The following MIPOL1 variants were observed in gnomAD, a reference collection of about 807,000 sequenced individuals.
The protein encoded by MIPOL1 is mirror-image polydactyly gene 1 protein.
Under a neutral mutation model 60.9 loss-of-function variants are expected in MIPOL1, and 57 were observed. The observed-to-expected ratio is 0.94, with a 90% CI of 0.76 to 1.17. The LOEUF (loss-of-function observed/expected upper bound fraction) is 1.17. MIPOL1 is among the 50% of genes most tolerant of loss of function. The pLI is 0.00. For missense variants in MIPOL1, 551 were observed against 511.6 expected (o/e 1.08, Z -0.74); for synonymous variants, 179 against 168.8 (o/e 1.06, Z -0.47).
chr14:37,237,085 A>T (rs989757793), intron 1 of MIPOL1, among the ~76,000 whole-genome samples: 1 of 151,870 alleles, frequency 6.6e-6, no homozygotes, highest in African/African-American at 2.4e-5. Flanking sequence ...TTCAGGCCAT[A>T]GATGGTCTGT....
At chr14:37,374,597 G>T (rs956188968) in intron 10 of MIPOL1, among the ~76,000 whole-genome samples, 1 of 152,032 alleles carries the variant, frequency 6.6e-6, no homozygotes. Context: ...TCAGTTTTCT[G>T]CATATGGCTA....
At chr14:37,302,104 G>T (rs1350848254) in intron 7 of MIPOL1, among the ~76,000 whole-genome samples, 4 of 145,838 alleles carry the variant, frequency 2.7e-5, no homozygotes, top group Non-Finnish European at 6.0e-5. Context: ...TTTCAAATCA[G>T]TTGAGTAAAC....
At chr14:37,222,385 GC>G (rs1401184227) in intron 1 of MIPOL1, among the ~76,000 whole-genome samples, 4 of 148,162 alleles carry the variant, frequency 2.7e-5, no homozygotes, top group African/African-American at 1.0e-4. Flanking sequence ...AACACACCTG[GC>G]TTTTTTTTTT....
At chr14:37,373,963 T>C (rs2092708277) in intron 10 of MIPOL1, among the ~76,000 whole-genome samples, 1 of 152,182 alleles carries the variant, frequency 6.6e-6, no homozygotes, top group Non-Finnish European at 1.5e-5. Context: ...TACCACACTG[T>C]CTTCCACAAT....
chr14:37,317,073 T>C (rs1201315806), intron 9 of MIPOL1, among the ~76,000 whole-genome samples: 4 of 152,172 alleles, frequency 2.6e-5, no homozygotes, highest in African/African-American at 9.7e-5. Context: ...AACATAAGTA[T>C]AAGAATTGGC....
intron 11 of MIPOL1, among the ~76,000 whole-genome samples, chr14:37,436,939 G>A (rs1432159918): frequency 6.6e-6 from 1 of 152,144 alleles, no homozygotes; most frequent in Non-Finnish European, 1.5e-5. Flanking sequence ...AAATTGACTT[G>A]ACTGAATGTT....
intron 12 of MIPOL1, among the ~76,000 whole-genome samples, chr14:37,538,813 CAA>C (rs758633410): frequency 3.3e-4 from 50 of 152,290 alleles, no homozygotes; most frequent in South Asian, 1.0e-3. Flanking sequence ...GATCGCACAT[CAA>C]GAGAGAGTCC....
At chr14:37,378,348 A>T (rs141127839) in intron 10 of MIPOL1, among the ~76,000 whole-genome samples, 16 of 152,174 alleles carry the variant, frequency 1.1e-4, no homozygotes, top group Non-Finnish European at 2.1e-4. Context: ...AATAAAAGGA[A>T]ACAACCTATT....
intron 11 of MIPOL1, among the ~76,000 whole-genome samples, chr14:37,426,958 C>T (rs534534392): frequency 6.6e-6 from 1 of 152,080 alleles, no homozygotes; most frequent in African/African-American, 2.4e-5. Context: ...TTTCCTGCAT[C>T]GCTGATGGGA....
At chr14:37,501,972 C>A (rs563252645) in intron 12 of MIPOL1, 3 of 152,296 alleles carry the variant, frequency 2.0e-5, no homozygotes, top group African/African-American at 2.4e-5. Context: ...GTGGGTCCCA[C>A]GCCCATGGAG....
chr14:37,218,954 A>G (rs1300058535), intron 1 of MIPOL1, among the ~76,000 whole-genome samples: 1 of 151,692 alleles, frequency 6.6e-6, no homozygotes, highest in African/African-American at 2.4e-5. Context: ...AAAAAAGAAA[A>G]CCAGAGCTAG....
At chr14:37,519,987 A>G (rs1286465309) in intron 12 of MIPOL1, among the ~76,000 whole-genome samples, 2 of 152,104 alleles carry the variant, frequency 1.3e-5, no homozygotes, top group Non-Finnish European at 2.9e-5. Flanking sequence ...ATCATCTTTT[A>G]TACTCTATGT....
chr14:37,353,140 T>C (rs1317888259), intron 9 of MIPOL1, among the ~76,000 whole-genome samples: 27 of 142,122 alleles, frequency 1.9e-4, no homozygotes, highest in South Asian at 1.4e-3. Flanking sequence ...TGTCAAAGGC[T>C]TTTTCTGCAT....
intron 1 of MIPOL1, among the ~76,000 whole-genome samples, chr14:37,200,095 A>G (rs909671486): frequency 2.6e-5 from 4 of 152,122 alleles, no homozygotes; most frequent in Admixed American, 2.6e-4. Flanking sequence ...ACACATATTC[A>G]TGTGTTTACT....
At chr14:37,283,619 T>C (rs1392067765) in intron 6 of MIPOL1, among the ~76,000 whole-genome samples, 1 of 152,202 alleles carries the variant, frequency 6.6e-6, no homozygotes, top group Non-Finnish European at 1.5e-5. Flanking sequence ...AGTCACATTG[T>C]GCGTCTGTGG....
At chr14:37,199,546 A>G (rs1964883197) in intron 1 of MIPOL1, among the ~76,000 whole-genome samples, 2 of 151,176 alleles carry the variant, frequency 1.3e-5, no homozygotes, top group African/African-American at 4.9e-5. Flanking sequence ...TTTTTTTGAG[A>G]TGGAGTCTCG....
intron 12 of MIPOL1, among the ~76,000 whole-genome samples, chr14:37,521,738 T>A (rs886946966): frequency 6.6e-6 from 1 of 151,964 alleles, no homozygotes; most frequent in African/African-American, 2.4e-5. Context: ...CTCTCAGAAG[T>A]CCTCAAACTA....
At chr14:37,358,701 T>C (rs988509630) in intron 9 of MIPOL1, among the ~76,000 whole-genome samples, 1 of 152,152 alleles carries the variant, frequency 6.6e-6, no homozygotes, top group Non-Finnish European at 1.5e-5. Flanking sequence ...TCTTGTAAAT[T>C]TGTTAAATTT....
chr14:37,317,172 TAGTAA>T (rs760619389), intron 9 of MIPOL1, among the ~76,000 whole-genome samples: 84 of 152,200 alleles, frequency 5.5e-4, no homozygotes, highest in Non-Finnish European at 1.1e-3. Context: ...TTGATAAATT[TAGTAA>T]AGGGAAGTTG....
Sources: gnomAD v4.1 joint callset for allele counts (sites outside exome capture counted in the v4.1 genomes callset) on GRCh38, gnomAD v4.1.1 for gene constraint, MANE v1.5 for transcripts, NCBI Gene and HGNC (gene_info 2026-07-23, HGNC 2026-07-21) for gene names.